VWA8: variants seen among roughly 807,000 people sequenced by gnomAD.
VWA8 encodes the protein von Willebrand factor A domain-containing protein 8.
Under a neutral mutation model 241.5 loss-of-function variants are expected in VWA8, and 221 were observed. That is an observed-to-expected ratio of 0.91 (90% CI 0.82 to 1.02). The LOEUF is 1.02. VWA8 is among the 50% of genes least tolerant of loss of function. The pLI, the probability that VWA8 is intolerant of heterozygous loss-of-function variation, is 0.00. For synonymous variants in VWA8, 852 were observed against 827.1 expected (o/e 1.03, Z -0.52); for missense variants, 2,322 against 2,328.7 (o/e 1.00, Z 0.06).
chr13:41,611,608 A>G lies in VWA8; in HGVS notation c.4845T>C (p.Ala1615=). ...GGAATGCTCTCTGGCCCATCTCTCT[A>G]GCAGCTCTCTTGACCTCTTCGGGAA... ...DAVPEEVKRA[A]REMGQRAFQQ... The change falls in exon 39 of 45, where the codon GCT becomes GCC. Residue 1615 remains alanine, a synonymous_variant. Transcript: ENST00000379310. 2 of 1,614,084 alleles carry G rather than the reference A, an allele frequency of 1.2e-6. No homozygotes were observed. The highest frequency in any genetic ancestry group is 1.7e-6 in the Non-Finnish European group (2 of 1,179,962).
intron 37 of VWA8, among the ~76,000 whole-genome samples, chr13:41,621,690 T>C (rs562429313): frequency 6.6e-6 from 1 of 151,894 alleles, no homozygotes; most frequent in Non-Finnish European, 1.5e-5. Context: ...GAACAGTCTT[T>C]TAAGAATAAG....
At chr13:41,620,868 A>G (rs2044652890) in intron 37 of VWA8, among the ~76,000 whole-genome samples, 1 of 152,222 alleles carries the variant, frequency 6.6e-6, no homozygotes, top group South Asian at 2.1e-4. Flanking sequence ...CAAGTCAAGT[A>G]AGTTCTCCGG....
In VWA8 at chr13:41,740,524, A is replaced by T. The variant is rs187017411; in HGVS notation, c.2427-8369T>A. 9.5e-4 allele frequency among the ~76,000 whole-genome samples: 145 copies of T among 152,334 alleles called. 5 individuals are homozygous for T. The East Asian group carries it at 0.025, about 27-fold the overall frequency. On this transcript the variant is annotated intron_variant, in intron 21 of 44. Coordinates refer to ENST00000379310, the MANE Select transcript of VWA8 (RefSeq NM_015058.2). ...TCCGCATGCATTTTTCTGTTCTAGT[A>T]TCAATCACATTATAATCTTGGACCT... is the stretch of plus-strand genomic sequence containing the variant.
At chr13:41,869,584 T>C (rs1275321515) in intron 9 of VWA8, among the ~76,000 whole-genome samples, 1 of 139,534 alleles carries the variant, frequency 7.2e-6, no homozygotes, top group Non-Finnish European at 1.5e-5. Flanking sequence ...TGAACTGAGA[T>C]TGTGCCACTG....
At chr13:41,880,905 G>GCTCC (rs1309121373) in intron 9 of VWA8, among the ~76,000 whole-genome samples, 2 of 152,118 alleles carry the variant, frequency 1.3e-5, no homozygotes, top group African/African-American at 4.8e-5. Flanking sequence ...TCTCATAGAG[G>GCTCC]CTCCACCTGC....
chr13:41,657,025 G>C (rs2044911164), intron 37 of VWA8, among the ~76,000 whole-genome samples: 1 of 152,112 alleles, frequency 6.6e-6, no homozygotes, highest in Non-Finnish European at 1.5e-5. Context: ...ACCAATCAAA[G>C]TATGCCATCC....
intron 12 of VWA8, among the ~76,000 whole-genome samples, chr13:41,847,359 T>C (rs1309467961): frequency 6.6e-6 from 1 of 152,138 alleles, no homozygotes; most frequent in Non-Finnish European, 1.5e-5. Flanking sequence ...TCTACAGATA[T>C]TTAAGTTGAG....
At chr13:41,747,987 G>A (rs1441496077) in intron 21 of VWA8, among the ~76,000 whole-genome samples, 3 of 152,170 alleles carry the variant, frequency 2.0e-5, no homozygotes, top group African/African-American at 7.2e-5. Context: ...ATGTGCTGCT[G>A]GATTCGGTTT....
At chr13:41,907,135 C>T (rs1875757136) in intron 4 of VWA8, among the ~76,000 whole-genome samples, 1 of 151,944 alleles carries the variant, frequency 6.6e-6, no homozygotes, top group African/African-American at 2.4e-5. Flanking sequence ...TAATCTGTAC[C>T]TAAGATACTC....
At position 41,811,464 on chromosome 13, in the gene VWA8, GTTAA is replaced by G. The variant is rs1255187896; in HGVS notation, c.1948-128_1948-125del. 5 of 525,360 alleles carry G rather than the reference GTTAA, an allele frequency of 9.5e-6. No individual in the cohort carries two copies. In the African/African-American group the frequency reaches 9.7e-5, roughly 10 times the overall value. The allele number at this position is 525,360 out of a possible 1,614,324, so 32.5% of individuals were successfully genotyped here. The stretch of plus-strand genomic sequence containing the variant: ...TAAGGCCAAACTTAAAGTATGTGCT[GTTAA>G]TTAATTACAAATCAAAATAAACAGA... On this transcript the variant is annotated intron_variant, in intron 16 of 44. Coordinates refer to ENST00000379310, the MANE Select transcript of VWA8 (RefSeq NM_015058.2).
chr13:41,864,823 C>T (rs1024451640), intron 12 of VWA8, among the ~76,000 whole-genome samples: 2 of 151,850 alleles, frequency 1.3e-5, no homozygotes, highest in African/African-American at 4.8e-5. Flanking sequence ...CCTGTCTCTA[C>T]TAAAATACAA....
intron 37 of VWA8, among the ~76,000 whole-genome samples, chr13:41,630,307 AC>A (rs1418678908): frequency 6.6e-6 from 1 of 151,414 alleles, no homozygotes; most frequent in African/African-American, 2.4e-5. Flanking sequence ...TGTGAGCTGG[AC>A]CCTTTTGCCA....
At position 41,644,373 on chromosome 13, in the gene VWA8, C is replaced by T. The variant is rs35384055; in HGVS notation, c.4611+26573G>A. ...ATATTTTGTCTAGTCTTAGCAGATA[C>T]ATGTAGAGCAGGTCCTTGAATAACA... On this transcript the variant is annotated intron_variant, in intron 37 of 44. Coordinates refer to ENST00000379310, the MANE Select transcript of VWA8 (RefSeq NM_015058.2). 3.7e-3 allele frequency among the ~76,000 whole-genome samples: 570 copies of T among 152,244 alleles called. 1 individual carries two copies. Among genetic ancestry groups the T allele is most frequent in the South Asian group, 0.016 (75 of 4,818 alleles).
intron 37 of VWA8, among the ~76,000 whole-genome samples, chr13:41,656,118 G>A (rs1193495001): frequency 2.0e-5 from 3 of 152,266 alleles, no homozygotes; most frequent in Admixed American, 2.0e-4. Context: ...AAGCAGACTG[G>A]AACACATGAA....
At chr13:41,924,483 A>T (rs1239171656) in intron 2 of VWA8, among the ~76,000 whole-genome samples, 1 of 152,054 alleles carries the variant, frequency 6.6e-6, no homozygotes, top group Non-Finnish European at 1.5e-5. Context: ...AAAAGAAAGA[A>T]AAAGAAAACA....
At chr13:41,847,103 AAG>A (rs1421666340) in intron 12 of VWA8, among the ~76,000 whole-genome samples, 8 of 152,296 alleles carry the variant, frequency 5.3e-5, no homozygotes, top group East Asian at 1.9e-4. Flanking sequence ...TGAAGAGAGA[AAG>A]AGAGAGAACC....
intron 13 of VWA8, among the ~76,000 whole-genome samples, chr13:41,832,369 C>A (rs1354840178): frequency 6.6e-6 from 1 of 152,082 alleles, no homozygotes; most frequent in Non-Finnish European, 1.5e-5. Flanking sequence ...TGCAAACATG[C>A]AAGAGATAGC....
intron 2 of VWA8, among the ~76,000 whole-genome samples, chr13:41,941,381 C>A (rs539276393): frequency 1.3e-5 from 2 of 152,146 alleles, no homozygotes; most frequent in Non-Finnish European, 2.9e-5. Context: ...CTCTGTTGAA[C>A]GCTATCAGGC....
intron 35 of VWA8, 84 bp from the exon 36 acceptor site, chr13:41,675,380 T>C: frequency 1.1e-6 from 1 of 948,314 alleles, no homozygotes; most frequent in Non-Finnish European, 1.7e-6. Context: ...AAGTTATCTG[T>C]AGCCTAGGGT....
Sources: allele counts gnomAD v4.1 joint callset (sites outside exome capture counted in the v4.1 genomes callset), GRCh38; gene constraint gnomAD v4.1.1; transcripts MANE v1.5; gene names NCBI Gene and HGNC (gene_info 2026-07-23, HGNC 2026-07-21).